Variants in KCNIP3 observed in about 807,000 individuals in gnomAD.
KCNIP3 encodes potassium voltage-gated channel interacting protein 3.
A neutral mutation model predicts 35.0 loss-of-function variants in KCNIP3; 28 were observed. The ratio of observed to expected loss-of-function variants is 0.80; its 90% CI spans 0.59 to 1.10. The LOEUF (loss-of-function observed/expected upper bound fraction) is 1.10. Ranked by LOEUF, KCNIP3 falls within the 50% of genes least tolerant of loss-of-function variation. KCNIP3 has a pLI of 0.00. For missense variants in KCNIP3, 295 were observed against 338.4 expected (o/e 0.87, Z 1.01); for synonymous variants, 134 against 133.8 (o/e 1.00, Z -0.01).
At chr2:95,301,636 AC>A (rs1363429569) in intron 1 of KCNIP3, among the ~76,000 whole-genome samples, 1 of 152,146 alleles carries the variant, frequency 6.6e-6, no homozygotes, top group Admixed American at 6.5e-5. Context: ...TGAAGGGAAT[AC>A]CTATGCCATC....
intron 2 of KCNIP3, among the ~76,000 whole-genome samples, chr2:95,341,351 C>T (rs1679189861): frequency 6.6e-6 from 1 of 152,182 alleles, no homozygotes; most frequent in South Asian, 2.1e-4. Context: ...CCTGGTCAGC[C>T]TGTGGAACCA....
intron 1 of KCNIP3, among the ~76,000 whole-genome samples, chr2:95,308,814 G>C (rs142614809): frequency 6.6e-6 from 1 of 152,348 alleles, no homozygotes; most frequent in East Asian, 1.9e-4. Context: ...TCTGGCTCTT[G>C]CACCTGACAG....
At chr2:95,341,929 T>C (rs897546106) in intron 2 of KCNIP3, among the ~76,000 whole-genome samples, 1 of 152,074 alleles carries the variant, frequency 6.6e-6, no homozygotes, top group Non-Finnish European at 1.5e-5. Flanking sequence ...TTGCAGTAAC[T>C]GCAAGGAGGG....
In KCNIP3 at chr2:95,385,713, T is replaced by TGGCTCCA. The variant is rs1247142959; in HGVS notation, c.*1676_*1682dup. ...TCCCCTGCGGAGCTGCATGGACGCC[T>TGGCTCCA]GGCTCCAGGCTCCAGGCTGACTGGG... On this transcript the variant is annotated 3_prime_UTR_variant, in exon 9 of 9. Coordinates refer to ENST00000295225, the MANE Select transcript of KCNIP3 (RefSeq NM_013434.5). 2.0e-5 allele frequency: 3 copies of TGGCTCCA among 152,724 alleles called. No individual in the cohort carries two copies. Among genetic ancestry groups the TGGCTCCA allele is most frequent in the Admixed American group, 6.5e-5 (1 of 15,294 alleles). 9.5% of individuals were successfully genotyped at this position (152,724 alleles called of 1,614,324 possible). A position where few individuals can be genotyped will look rare whatever the true frequency, so the allele number is the denominator to read the frequency against.
chr2:95,330,342 G>T (rs1678895981), intron 2 of KCNIP3, among the ~76,000 whole-genome samples: 1 of 152,212 alleles, frequency 6.6e-6, no homozygotes, highest in African/African-American at 2.4e-5. Flanking sequence ...CTGGGCACCA[G>T]GTCTCCTGGC....
At position 95,343,139 on chromosome 2, in the gene KCNIP3, C is replaced by T. The variant is rs1214783799; in HGVS notation, c.182-31157C>T. On this transcript the variant is annotated intron_variant, in intron 2 of 8. Transcript: ENST00000295225. ...CTGGTGGCAGTGGGGCAGAGATGGACGAGGAGGCACAGGGCGAGAGTGTGG... is the reference window on the plus strand; with the variant it reads ...CTGGTGGCAGTGGGGCAGAGATGGATGAGGAGGCACAGGGCGAGAGTGTGG... Among the ~76,000 whole-genome samples the T allele has an allele frequency of 4.6e-5, 7 of 151,778 alleles. No individual in the cohort carries two copies. The South Asian group carries it at 1.3e-3, about 27-fold the overall frequency.
intron 2 of KCNIP3, among the ~76,000 whole-genome samples, chr2:95,349,092 C>A (rs542059392): frequency 6.6e-6 from 1 of 152,112 alleles, no homozygotes; most frequent in Non-Finnish European, 1.5e-5. Flanking sequence ...CAGACACCCC[C>A]CCCCGCCCCC....
chr2:95,316,083 A>C (rs187384907), intron 2 of KCNIP3, among the ~76,000 whole-genome samples: 47 of 152,360 alleles, frequency 3.1e-4, no homozygotes, highest in African/African-American at 1.1e-3. Context: ...GCTGAATGCC[A>C]ACAGGAGAGA....
At chr2:95,342,842 CTGAT>C (rs1279227753) in intron 2 of KCNIP3, among the ~76,000 whole-genome samples, 1 of 152,190 alleles carries the variant, frequency 6.6e-6, no homozygotes, top group Non-Finnish European at 1.5e-5. Context: ...GAAATTGACA[CTGAT>C]TGAGCCAACC....
chr2:95,367,265 T>A (rs1205177700), intron 2 of KCNIP3, among the ~76,000 whole-genome samples: 1 of 152,064 alleles, frequency 6.6e-6, no homozygotes, highest in East Asian at 1.9e-4. Flanking sequence ...GGAGCCAAAC[T>A]CTGTCTTAAA....
intron 5 of KCNIP3, among the ~76,000 whole-genome samples, chr2:95,379,404 G>C (rs753471064): frequency 6.6e-6 from 1 of 152,116 alleles, no homozygotes; most frequent in Non-Finnish European, 1.5e-5. Flanking sequence ...CCTGTTGCCC[G>C]GCATCTGCCA....
At chr2:95,381,447 C>T (rs1167532681) in intron 5 of KCNIP3, 149 bp from the exon 6 acceptor site, 1 of 631,182 alleles carries the variant, frequency 1.6e-6, no homozygotes, top group Admixed American at 2.5e-5. Flanking sequence ...ACACACTCAC[C>T]CTGTGCTGAC....
intron 2 of KCNIP3, among the ~76,000 whole-genome samples, chr2:95,325,957 A>G (rs1678758333): frequency 6.6e-6 from 1 of 150,412 alleles, no homozygotes; most frequent in Non-Finnish European, 1.5e-5. Context: ...TCACACATAC[A>G]CACACTCATA....
chr2:95,349,675 TGGCCAGA>T (rs1679463887), intron 2 of KCNIP3, among the ~76,000 whole-genome samples: 1 of 152,210 alleles, frequency 6.6e-6, no homozygotes, highest in Non-Finnish European at 1.5e-5. Flanking sequence ...GGCATGGGCC[TGGCCAGA>T]GGCCAGGCTA....
chr2:95,346,830 C>G (rs1389812091), intron 2 of KCNIP3: 1 of 216,774 alleles, frequency 4.6e-6, no homozygotes, highest in Non-Finnish European at 8.9e-6. Context: ...CCGGCCTGAC[C>G]CGCTCGCCGC....
intron 1 of KCNIP3, among the ~76,000 whole-genome samples, chr2:95,307,179 C>T (rs1399361183): frequency 3.3e-5 from 5 of 152,212 alleles, no homozygotes; most frequent in Admixed American, 6.5e-5. Context: ...GAGCCTGGCC[C>T]GGAACCCCCA....
intron 1 of KCNIP3, among the ~76,000 whole-genome samples, chr2:95,306,521 G>A (rs976171543): frequency 2.0e-5 from 3 of 152,204 alleles, no homozygotes; most frequent in Admixed American, 6.5e-5. Flanking sequence ...TGCTGAGATG[G>A]AGGTGCATGG....
At chr2:95,308,353 A>T (rs1218807274) in intron 1 of KCNIP3, among the ~76,000 whole-genome samples, 1 of 152,180 alleles carries the variant, frequency 6.6e-6, no homozygotes, top group East Asian at 1.9e-4. Flanking sequence ...GGAAGGGTGG[A>T]TGATGACTGT....
chr2:95,355,125 A>C (rs1573509254), intron 2 of KCNIP3: 2 of 152,194 alleles, frequency 1.3e-5, no homozygotes, highest in South Asian at 4.2e-4. Flanking sequence ...CCCTGAATGC[A>C]TCCACAGCTG....
Sources: gnomAD v4.1 joint callset for allele counts (sites outside exome capture counted in the v4.1 genomes callset) on GRCh38, gnomAD v4.1.1 for gene constraint, MANE v1.5 for transcripts, NCBI Gene and HGNC (gene_info 2026-07-23, HGNC 2026-07-21) for gene names.